The following RAD54L2 variants were observed in gnomAD, a reference collection of about 807,000 sequenced individuals.
RAD54L2 encodes the protein helicase ARIP4.
A neutral mutation model predicts 138.4 loss-of-function variants in RAD54L2; 27 were observed. That is an observed-to-expected ratio of 0.20 (90% CI 0.14 to 0.27). The LOEUF is 0.27. RAD54L2 is among the 10% of genes least tolerant of loss of function. RAD54L2 has a pLI of 1.00. For synonymous variants in RAD54L2, 644 were observed against 723.2 expected, an observed-to-expected ratio of 0.89 and a Z score of 1.76; for missense variants, 1,396 against 1,890.2, an observed-to-expected ratio of 0.74 and a Z score of 4.85.
intron 16 of RAD54L2, among the ~76,000 whole-genome samples, chr3:51,644,709 G>A (rs1381371564): frequency 2.0e-5 from 3 of 152,140 alleles, no homozygotes; most frequent in Non-Finnish European, 4.4e-5. Context: ...TAAAAATAGT[G>A]GAAACATCTG....
intron 3 of RAD54L2, among the ~76,000 whole-genome samples, chr3:51,621,510 G>T (rs1393283178): frequency 6.6e-6 from 1 of 152,180 alleles, no homozygotes; most frequent in Admixed American, 6.5e-5. Context: ...AGGTCAGCAG[G>T]TTCCATTCTT....
At chr3:51,542,603 A>G (rs1007941231) in intron 2 of RAD54L2, among the ~76,000 whole-genome samples, 1 of 152,170 alleles carries the variant, frequency 6.6e-6, no homozygotes, top group Admixed American at 6.5e-5. Context: ...AGCTGGGACT[A>G]CAGGCGCCTG....
intron 3 of RAD54L2, among the ~76,000 whole-genome samples, 169 bp from the exon 4 acceptor site, chr3:51,627,384 A>G (rs181562518): frequency 1.3e-5 from 2 of 152,260 alleles, no homozygotes; most frequent in East Asian, 1.9e-4. Flanking sequence ...GGGCCTCACT[A>G]TCCTCATTTT....
chr3:51,629,637 T>G (rs1700788252), intron 5 of RAD54L2, among the ~76,000 whole-genome samples, 164 bp downstream of exon 5: 1 of 151,780 alleles, frequency 6.6e-6, no homozygotes, highest in African/African-American at 2.4e-5. Flanking sequence ...GGCAGATGGA[T>G]TGCCTGAGTT....
chr3:51,556,600 G>C (rs1242354892), intron 2 of RAD54L2, among the ~76,000 whole-genome samples: 2 of 150,324 alleles, frequency 1.3e-5, no homozygotes, highest in East Asian at 3.9e-4. Flanking sequence ...TTTTGAGACA[G>C]AGTTTCGCTC....
chr3:51,555,778 C>T (rs144286775), intron 2 of RAD54L2, among the ~76,000 whole-genome samples: 47 of 152,134 alleles, frequency 3.1e-4, no homozygotes, highest in Non-Finnish European at 5.4e-4. Context: ...TCCATTTCAT[C>T]GACAGTAATG....
intron 7 of RAD54L2, among the ~76,000 whole-genome samples, chr3:51,632,849 C>T (rs1201218252): frequency 2.7e-5 from 4 of 148,636 alleles, no homozygotes; most frequent in East Asian, 2.0e-4. Flanking sequence ...GCTGAGATTG[C>T]GCCTTTGCAC....
intron 20 of RAD54L2, among the ~76,000 whole-genome samples, chr3:51,656,448 G>A (rs144975476): frequency 2.6e-4 from 39 of 152,286 alleles, no homozygotes; most frequent in African/African-American, 8.7e-4. Context: ...GGAATACAGG[G>A]TTGGTCTCAG....
At chr3:51,547,334 C>T (rs1698722849) in intron 2 of RAD54L2, among the ~76,000 whole-genome samples, 1 of 151,670 alleles carries the variant, frequency 6.6e-6, no homozygotes. Flanking sequence ...TGTAATTGTG[C>T]CACTATCCTC....
At chr3:51,551,221 C>G (rs1233608144) in intron 2 of RAD54L2, among the ~76,000 whole-genome samples, 4 of 152,008 alleles carry the variant, frequency 2.6e-5, no homozygotes, top group Non-Finnish European at 5.9e-5. Flanking sequence ...TAGCCTTGAC[C>G]TCCCAGGCTC....
At chr3:51,576,843 A>G (rs1026591759) in intron 2 of RAD54L2, among the ~76,000 whole-genome samples, 4 of 151,264 alleles carry the variant, frequency 2.6e-5, no homozygotes, top group African/African-American at 4.9e-5. Context: ...TTGTGTCTCT[A>G]TTTCCTTCAG....
At position 51,630,872 on chromosome 3, in the gene RAD54L2, C is replaced by T. The variant is rs1700821747; in HGVS notation, c.766C>T (p.Pro256Ser). The change falls in exon 7 of 23, where the codon CCA becomes TCA. Residue 256 changes from proline (P) to serine (S), a missense_variant. Coordinates refer to ENST00000684192, the MANE Select transcript of RAD54L2 (RefSeq NM_015106.4). The stretch of plus-strand genomic sequence containing the variant: ...GGTCCTTGTCAACCTAAACCACCCT[C>T]CAGAGGAGGAAAATGTCTTCCTTGC... ...GRVLVNLNHP[P>S]EEENVFLAPQ... The T allele has an allele frequency of 5.0e-6, 8 of 1,613,874 alleles. No homozygotes were observed. The highest frequency in any genetic ancestry group is 1.3e-5 in the African/African-American group (1 of 74,948).
intron 3 of RAD54L2, among the ~76,000 whole-genome samples, chr3:51,599,609 G>C (rs1160398864): frequency 6.6e-6 from 1 of 151,790 alleles, no homozygotes; most frequent in Non-Finnish European, 1.5e-5. Flanking sequence ...CTGGAGTGCA[G>C]TGGCTCAGTC....
At chr3:51,553,500 C>T (rs541658460) in intron 2 of RAD54L2, among the ~76,000 whole-genome samples, 1 of 152,262 alleles carries the variant, frequency 6.6e-6, no homozygotes, top group South Asian at 2.1e-4. Flanking sequence ...AAGCCTGTCA[C>T]ACACATTTTT....
intron 6 of RAD54L2, 125 bp from the exon 7 acceptor site, chr3:51,630,580 G>A (rs548959306): frequency 9.8e-7 from 1 of 1,018,270 alleles, no homozygotes; most frequent in East Asian, 2.6e-5. Context: ...AATAGTAAAA[G>A]TCAAAATTTT....
intron 2 of RAD54L2, among the ~76,000 whole-genome samples, chr3:51,548,401 T>C (rs1698753657): frequency 6.6e-6 from 1 of 152,172 alleles, no homozygotes; most frequent in Non-Finnish European, 1.5e-5. Flanking sequence ...TCGGCCAGGC[T>C]GGTTTTGAAC....
intron 2 of RAD54L2, among the ~76,000 whole-genome samples, chr3:51,577,108 T>C (rs1217673599): frequency 2.0e-5 from 3 of 152,174 alleles, no homozygotes; most frequent in Non-Finnish European, 4.4e-5. Flanking sequence ...ATGTACCCAG[T>C]AGTCATTCAG....
intron 19 of RAD54L2, among the ~76,000 whole-genome samples, chr3:51,647,825 CCTTA>C (rs996305833): frequency 6.6e-6 from 1 of 151,950 alleles, no homozygotes; most frequent in East Asian, 1.9e-4. Context: ...AAATTTTTTT[CCTTA>C]CTAAGACTCT....
chr3:51,630,934 A>G lies in RAD54L2; in HGVS notation c.825+3A>G, dbSNP rs775282519. Reference sequence around the variant, plus strand: ...CACGGGCTGTGAAACCTCATCAGGTACAGCAAACCTTGACTGTTTTCTCCT... The same window carrying G: ...CACGGGCTGTGAAACCTCATCAGGTGCAGCAAACCTTGACTGTTTTCTCCT... On this transcript the variant is annotated splice_donor_region_variant and intron_variant, in intron 7 of 22. Transcript: ENST00000684192. 16 of 1,602,402 alleles carry G rather than the reference A, an allele frequency of 1.0e-5. No individual in the cohort carries two copies. In the African/African-American group the frequency reaches 1.5e-4, roughly 15 times the overall value.
Sources: allele counts gnomAD v4.1 joint callset (sites outside exome capture counted in the v4.1 genomes callset), GRCh38; gene constraint gnomAD v4.1.1; transcripts MANE v1.5; gene names NCBI Gene and HGNC (gene_info 2026-07-23, HGNC 2026-07-21).